The following KNDC1 variants were observed in gnomAD, a reference collection of about 807,000 sequenced individuals.
The protein encoded by KNDC1 is kinase non-catalytic C-lobe domain-containing protein 1.
Under a neutral mutation model 172.8 loss-of-function variants are expected in KNDC1, and 106 were observed. That is an observed-to-expected ratio of 0.61 (90% CI 0.52 to 0.72). The LOEUF (loss-of-function observed/expected upper bound fraction) is 0.72, where lower values mean the gene tolerates loss of function less well. KNDC1 is among the 30% of genes least tolerant of loss of function. KNDC1 has a pLI of 0.00. For synonymous variants in KNDC1, 1,083 were observed against 1,062.2 expected (o/e 1.02, Z -0.38); for missense variants, 2,325 against 2,394.5 (o/e 0.97, Z 0.61).
At chr10:133,168,443 C>T (rs1301110969) in intron 3 of KNDC1, 131 bp downstream of exon 3, 2 of 890,386 alleles carry the variant, frequency 2.2e-6, no homozygotes, top group African/African-American at 3.3e-5. Context: ...GGAGCCGCTG[C>T]TGCCCGGTTC....
At chr10:133,181,103 C>T (rs796903655) in intron 3 of KNDC1, among the ~76,000 whole-genome samples, 8 of 151,384 alleles carry the variant, frequency 5.3e-5, no homozygotes, top group African/African-American at 1.5e-4. Context: ...ACGTCACACG[C>T]GGCACCCACA....
chr10:133,219,132 G>A, intron 28 of KNDC1, 42 bp downstream of exon 28: 1 of 1,596,520 alleles, frequency 6.3e-7, no homozygotes. Flanking sequence ...GGTCCCCCGA[G>A]GCCCTCTCCT....
chr10:133,189,242 C>A (rs1854011055), intron 7 of KNDC1, among the ~76,000 whole-genome samples: 1 of 152,198 alleles, frequency 6.6e-6, no homozygotes, highest in South Asian at 2.1e-4. Flanking sequence ...CAGTGTCCGT[C>A]CACCGTGAGC....
intron 18 of KNDC1, 34 bp from the exon 19 acceptor site, chr10:133,206,822 A>T: frequency 6.2e-7 from 1 of 1,613,220 alleles, no homozygotes; most frequent in Non-Finnish European, 8.5e-7. Flanking sequence ...GGCTGCAGGC[A>T]GCCCGGCCCC....
At chr10:133,189,111 C>T (rs1306654893) in intron 7 of KNDC1, among the ~76,000 whole-genome samples, 1 of 152,212 alleles carries the variant, frequency 6.6e-6, no homozygotes, top group Non-Finnish European at 1.5e-5. Context: ...CCGTCAAAGC[C>T]TAGCCCTGCC....
At chr10:133,208,739 C>A (rs551776063) in intron 20 of KNDC1, among the ~76,000 whole-genome samples, 1 of 152,160 alleles carries the variant, frequency 6.6e-6, no homozygotes, top group Admixed American at 6.5e-5. Context: ...TGTGCCGTTG[C>A]GGGAGACGTC....
At chr10:133,184,729 C>T (rs1295288651) in intron 5 of KNDC1, among the ~76,000 whole-genome samples, 8 of 152,288 alleles carry the variant, frequency 5.3e-5, no homozygotes, top group Admixed American at 1.3e-4. Context: ...CAGGCACCCA[C>T]GCAGGCAGAG....
chr10:133,200,271 G>A (rs1234613456), intron 15 of KNDC1, 104 bp from the exon 16 acceptor site: 38 of 812,070 alleles, frequency 4.7e-5, no homozygotes, highest in Non-Finnish European at 6.5e-5. Flanking sequence ...CGCCTCCAGC[G>A]AGAGCTCCGC....
chr10:133,206,922 A>G lies in KNDC1; in HGVS notation c.3548A>G (p.Gln1183Arg), dbSNP rs914034872. ...GQLEEMKSRV[Q>R]FLSLVKKYLQ... ...CTAGAAGAAATGAAATCCAGGGTGC[A>G]ATTCCTCAGCTTGGTCAAGAAGTAT... is the stretch of plus-strand genomic sequence containing the variant. The change falls in exon 19 of 30, where the codon CAA becomes CGA. Residue 1183 changes from glutamine (Q) to arginine (R), a missense_variant. Transcript: ENST00000304613. The G allele has an allele frequency of 2.5e-6, 4 of 1,614,068 alleles. No individual in the cohort carries two copies. The highest frequency in any genetic ancestry group is 3.4e-6 in the Non-Finnish European group (4 of 1,180,018).
At chr10:133,161,817 C>T (rs547537820) in intron 1 of KNDC1, among the ~76,000 whole-genome samples, 32 of 152,324 alleles carry the variant, frequency 2.1e-4, no homozygotes, top group African/African-American at 6.5e-4. Context: ...GCCCTGAGGA[C>T]GCAGCTCTTC....
Position 133,206,784 on chromosome 10 carries a change from G to C in KNDC1, c.3481+6G>C. ...GAAGGAAAAGAGGAACAAAGGTAAGGCCCCTGTGGGCACAGGTCCGAGACC... is the reference window on the plus strand; with the variant it reads ...GAAGGAAAAGAGGAACAAAGGTAAGCCCCCTGTGGGCACAGGTCCGAGACC... On this transcript the variant is annotated splice_donor_region_variant and intron_variant, in intron 18 of 29. Transcript: ENST00000304613. 6.2e-7 allele frequency: 1 copy of C among 1,613,880 alleles called. No homozygotes were observed. The highest frequency in any genetic ancestry group is 8.5e-7 in the Non-Finnish European group (1 of 1,179,830).
chr10:133,219,207 C>T (rs1007774262), intron 28 of KNDC1, 117 bp downstream of exon 28: 6 of 1,301,696 alleles, frequency 4.6e-6, no homozygotes, highest in Non-Finnish European at 6.4e-6. Flanking sequence ...GTGCAGGTGG[C>T]CCAGCCAGGG....
chr10:133,172,543 G>A (rs1453134725), intron 3 of KNDC1, among the ~76,000 whole-genome samples: 1 of 152,104 alleles, frequency 6.6e-6, no homozygotes, highest in Non-Finnish European at 1.5e-5. Flanking sequence ...ACCGGCCTCA[G>A]GATTGTTCTA....
Position 133,183,421 on chromosome 10 carries a change from G to A in KNDC1, c.438G>A (p.Leu146=), listed in dbSNP as rs1401118585. 8.7e-6 allele frequency: 14 copies of A among 1,605,132 alleles called. No individual in the cohort carries two copies. Among genetic ancestry groups the A allele is most frequent in the South Asian group, 1.1e-5 (1 of 89,464 alleles). Residue 146 remains leucine (L), a synonymous_variant, in exon 4 of 30, where the codon CTG becomes CTA. Coordinates refer to ENST00000304613, the MANE Select transcript of KNDC1 (RefSeq NM_152643.8). ...CAGAGCCCACACTGGAACCCAGGCT[G>A]AGCCAAGACCTCGAGGCGCTGCTGA... The part of the protein sequence containing the change: ...YVAEPTLEPR[L]SQDLEALLSR...
At chr10:133,184,038 G>A (rs749745877) in intron 5 of KNDC1, 49 bp downstream of exon 5, 14 of 1,114,358 alleles carry the variant, frequency 1.3e-5, no homozygotes, top group Middle Eastern at 2.2e-4. Flanking sequence ...ATATACCTGT[G>A]TGCCATGTAT....
At chr10:133,197,276 T>G (rs1854220096) in intron 11 of KNDC1, 141 bp downstream of exon 11, 2 of 688,718 alleles carry the variant, frequency 2.9e-6, no homozygotes, top group Non-Finnish European at 2.6e-6. Flanking sequence ...TGGGTGCATC[T>G]GGGGGTGCAG....
intron 3 of KNDC1, among the ~76,000 whole-genome samples, chr10:133,176,350 A>G (rs980623245): frequency 1.3e-5 from 2 of 152,002 alleles, no homozygotes; most frequent in Admixed American, 1.3e-4. Context: ...CTGGATGGAA[A>G]CAAAGGGGAA....
rs1234768986 is a variant in KNDC1 at position 133,167,506 on chromosome 10, G to C, written c.228G>C (p.Gln76His). 1.9e-6 allele frequency: 3 copies of C among 1,605,724 alleles called. No homozygotes were observed. The highest frequency in any genetic ancestry group is 2.5e-6 in the Non-Finnish European group (3 of 1,176,874). ...GCGTGGCCCACGCCGCCATCTTCCA[G>C]AGCCTGTGCATCACGCCCGACACCC... ...MRSVAHAAIF[Q>H]SLCITPDTLA... is the part of the protein sequence containing the mutation. Residue 76 changes from glutamine (Q) to histidine (H), a missense_variant, in exon 2 of 30, where the codon CAG becomes CAC. By Grantham distance (24) the Gln-to-His change is conservative (BLOSUM62 0). Coordinates refer to ENST00000304613, the MANE Select transcript of KNDC1 (RefSeq NM_152643.8).
intron 17 of KNDC1, chr10:133,202,232 G>T: frequency 1.6e-6 from 1 of 610,784 alleles, no homozygotes; most frequent in Admixed American, 2.1e-5. Context: ...CGTGTTTTCC[G>T]TGGGGCAGGC....
Sources: allele counts gnomAD v4.1 joint callset (sites outside exome capture counted in the v4.1 genomes callset), GRCh38; gene constraint gnomAD v4.1.1; transcripts MANE v1.5; gene names NCBI Gene and HGNC (gene_info 2026-07-23, HGNC 2026-07-21).